The following NELL1 variants were observed in gnomAD, a reference collection of about 807,000 sequenced individuals.
The protein encoded by NELL1 is protein kinase C-binding protein NELL1.
In NELL1, 76 loss-of-function variants were observed where a neutral mutation model predicts 107.4. The observed-to-expected ratio is 0.71, with a 90% CI of 0.59 to 0.86. The LOEUF is 0.86. NELL1 is among the 40% of genes least tolerant of loss of function. The pLI is 0.00. For synonymous variants in NELL1, 353 were observed against 341.2 expected, an observed-to-expected ratio of 1.03 and a Z score of -0.38; for missense variants, 1,024 against 1,005.5, an observed-to-expected ratio of 1.02 and a Z score of -0.25.
chr11:21,230,162 G>A (rs1858008402), intron 14 of NELL1, among the ~76,000 whole-genome samples: 1 of 152,148 alleles, frequency 6.6e-6, no homozygotes, highest in Non-Finnish European at 1.5e-5. Context: ...AGTACGCTTA[G>A]TACTTCTTAG....
chr11:20,844,597 G>C (rs2134053772), intron 3 of NELL1, among the ~76,000 whole-genome samples: 1 of 152,236 alleles, frequency 6.6e-6, no homozygotes, highest in East Asian at 1.9e-4. Flanking sequence ...GTCACTTCCA[G>C]TGTCCTCCTT....
intron 13 of NELL1, among the ~76,000 whole-genome samples, chr11:21,212,577 C>T (rs1439303584): frequency 6.6e-6 from 1 of 152,112 alleles, no homozygotes; most frequent in African/African-American, 2.4e-5. Context: ...CACTGGAGTT[C>T]AGCAGGGAGC....
chr11:20,976,156 T>TAC (rs1300940344), intron 12 of NELL1, among the ~76,000 whole-genome samples: 38 of 111,816 alleles, frequency 3.4e-4, no homozygotes, highest in South Asian at 2.3e-3. Flanking sequence ...TGTATATATA[T>TAC]ACACACATTA....
intron 2 of NELL1, among the ~76,000 whole-genome samples, chr11:20,693,761 G>A (rs1359053782): frequency 1.8e-4 from 27 of 149,458 alleles, no homozygotes; most frequent in Admixed American, 3.4e-4. Context: ...ACAATTATGT[G>A]TCTTGGAGTT....
chr11:21,337,740 CT>C lies in NELL1; in HGVS notation c.1550-33110del, dbSNP rs1565175183. 1.5e-4 allele frequency among the ~76,000 whole-genome samples: 9 copies of C among 61,474 alleles called. No homozygotes were observed. In the East Asian group the frequency reaches 4.9e-3, roughly 34 times the overall value. 40.3% of individuals were successfully genotyped at this position (61,474 alleles called of 152,430 possible). ...TTTCATTCTTTTCTTTCTTTCCTTT[CT>C]TTCTTTCTTTCTTTCTTTCTTTCTT... On this transcript the variant is annotated intron_variant, in intron 14 of 19. Coordinates refer to ENST00000357134, the MANE Select transcript of NELL1 (RefSeq NM_006157.5).
intron 13 of NELL1, among the ~76,000 whole-genome samples, chr11:21,204,316 TC>T (rs1410571134): frequency 3.3e-5 from 5 of 152,066 alleles, no homozygotes; most frequent in Admixed American, 6.6e-5. Flanking sequence ...TCCTTTTCAT[TC>T]TTTTTTCTCT....
intron 15 of NELL1, among the ~76,000 whole-genome samples, chr11:21,454,284 T>C (rs909626010): frequency 2.0e-5 from 3 of 150,768 alleles, no homozygotes; most frequent in Non-Finnish European, 4.4e-5. Flanking sequence ...CTGCATAGTA[T>C]TCCATGGTGT....
chr11:20,910,653 C>G (rs1393142512), intron 5 of NELL1, among the ~76,000 whole-genome samples: 2 of 152,152 alleles, frequency 1.3e-5, no homozygotes, highest in Non-Finnish European at 2.9e-5. Context: ...AATTATGTAG[C>G]AGGTTCTAAG....
At chr11:21,574,644 A>C (rs1035630914) in intron 19 of NELL1, among the ~76,000 whole-genome samples, 2 of 151,798 alleles carry the variant, frequency 1.3e-5, no homozygotes, top group African/African-American at 2.4e-5. Flanking sequence ...TTTGGAAAGA[A>C]TCTCGCTTGG....
intron 14 of NELL1, among the ~76,000 whole-genome samples, chr11:21,248,083 G>A (rs561196104): frequency 2.0e-4 from 31 of 152,158 alleles, no homozygotes; most frequent in Admixed American, 4.6e-4. Flanking sequence ...AGTGGCTCAC[G>A]CCTGTAATTC....
intron 12 of NELL1, among the ~76,000 whole-genome samples, chr11:20,988,157 A>G (rs557390449): frequency 7.9e-5 from 12 of 152,282 alleles, no homozygotes; most frequent in African/African-American, 2.9e-4. Flanking sequence ...TCCTTAATGC[A>G]ATAAATTCCC....
intron 13 of NELL1, among the ~76,000 whole-genome samples, chr11:21,200,751 G>A (rs946120267): frequency 3.9e-5 from 6 of 152,104 alleles, no homozygotes; most frequent in African/African-American, 1.4e-4. Context: ...TTCTTCTAGG[G>A]TTTTTATGGT....
intron 2 of NELL1, among the ~76,000 whole-genome samples, chr11:20,767,181 G>A (rs1244758588): frequency 4.6e-5 from 7 of 152,130 alleles, no homozygotes; most frequent in Non-Finnish European, 7.4e-5. Flanking sequence ...GGACCTTCGC[G>A]GTGAGTGTAA....
At chr11:20,853,968 A>G (rs1038707636) in intron 4 of NELL1, among the ~76,000 whole-genome samples, 5 of 152,148 alleles carry the variant, frequency 3.3e-5, no homozygotes, top group Non-Finnish European at 7.3e-5. Context: ...TGAGAAAGTG[A>G]CATGCCCACT....
rs369600833 is a variant in NELL1, at chr11:21,359,890, T to C, written c.1550-10963T>C. On this transcript the variant is annotated intron_variant, in intron 14 of 19. Coordinates refer to ENST00000357134, the MANE Select transcript of NELL1 (RefSeq NM_006157.5). ...TGGACCTCCTCTCTTCTTTCTTGGT[T>C]AATATCACTAATGTTCTATCAATTT... Among the ~76,000 whole-genome samples, 40 of 152,330 alleles carry C rather than the reference T, an allele frequency of 2.6e-4. 1 individual carries two copies. In the South Asian group the frequency reaches 8.1e-3, roughly 31 times the overall value.
chr11:21,372,811 G>A (rs937325557), intron 15 of NELL1, among the ~76,000 whole-genome samples: 1 of 151,896 alleles, frequency 6.6e-6, no homozygotes, highest in Non-Finnish European at 1.5e-5. Context: ...CTTAGACCAG[G>A]GCCTGTGATC....
chr11:20,993,023 C>T (rs759558221), intron 12 of NELL1, among the ~76,000 whole-genome samples: 2 of 152,032 alleles, frequency 1.3e-5, no homozygotes, highest in African/African-American at 2.4e-5. Flanking sequence ...TTGTGTTAGG[C>T]GGTTTGTGGC....
chr11:21,195,853 G>T lies in NELL1; in HGVS notation c.1427-33479G>T, dbSNP rs1857140944. On this transcript the variant is annotated intron_variant, in intron 13 of 19. Coordinates refer to ENST00000357134, the MANE Select transcript of NELL1 (RefSeq NM_006157.5). The stretch of plus-strand genomic sequence containing the variant: ...GTCCTGGGGCCGAGCACCGAAGCAA[G>T]GGCTGGTAATTGCCTCAACAAGCTC... 1.3e-5 allele frequency among the ~76,000 whole-genome samples: 2 copies of T among 152,148 alleles called. 1 individual carries two copies. Among genetic ancestry groups the T allele is most frequent in the Admixed American group, 1.3e-4 (2 of 15,274 alleles).
intron 12 of NELL1, among the ~76,000 whole-genome samples, chr11:21,086,679 A>C (rs915636946): frequency 3.3e-5 from 5 of 152,142 alleles, no homozygotes; most frequent in African/African-American, 1.2e-4. Flanking sequence ...ACCCTTTATC[A>C]ACTTTTACCC....
Sources: allele counts gnomAD v4.1 joint callset (sites outside exome capture counted in the v4.1 genomes callset), GRCh38; gene constraint gnomAD v4.1.1; transcripts MANE v1.5; gene names NCBI Gene and HGNC (gene_info 2026-07-23, HGNC 2026-07-21).